PHLDB2: variants seen among roughly 807,000 people sequenced by gnomAD.
The protein encoded by PHLDB2 is pleckstrin homology-like domain family B member 2.
Under a neutral mutation model 123.6 loss-of-function variants are expected in PHLDB2, and 71 were observed. The observed-to-expected ratio is 0.57, with a 90% CI of 0.47 to 0.70. The LOEUF is 0.70. PHLDB2 is among the 30% of genes least tolerant of loss of function. The pLI, the probability that PHLDB2 is intolerant of heterozygous loss-of-function variation, is 0.00. For missense variants in PHLDB2, 1,446 were observed against 1,519.5 expected, an observed-to-expected ratio of 0.95 and a Z score of 0.80; for synonymous variants, 547 against 541.6, an observed-to-expected ratio of 1.01 and a Z score of -0.14.
chr3:111,905,956 G>A (rs980356949), intron 2 of PHLDB2, among the ~76,000 whole-genome samples: 9 of 152,146 alleles, frequency 5.9e-5, no homozygotes, highest in Non-Finnish European at 1.0e-4. Context: ...CGTTATGTGT[G>A]CAGATATTTT....
At chr3:111,854,703 A>G (rs962181271), upstream of PHLDB2, among the ~76,000 whole-genome samples, 1 of 152,242 alleles carries the variant, frequency 6.6e-6, no homozygotes, top group Non-Finnish European at 1.5e-5. Flanking sequence ...GTGAGCAGGT[A>G]TGTACAAACC....
intron 2 of PHLDB2, among the ~76,000 whole-genome samples, chr3:111,853,849 G>T (rs2108616588): frequency 6.7e-6 from 1 of 148,410 alleles, no homozygotes; most frequent in South Asian, 2.2e-4. Context: ...TCCAGCCTGA[G>T]CAACAAGAGC....
rs151281926 is a variant in PHLDB2, at chr3:111,763,692, G to A, written c.-49+30989G>A. Reference sequence around the variant, plus strand: ...TGGTATTAGGTTGTAGTATTAGGAGGTGATTCGATCACGAGGACAAAGCCC... The same window carrying A: ...TGGTATTAGGTTGTAGTATTAGGAGATGATTCGATCACGAGGACAAAGCCC... On this transcript the variant is annotated intron_variant, in intron 1 of 17. Coordinates refer to the PHLDB2 transcript ENST00000393923. 5.9e-3 allele frequency among the ~76,000 whole-genome samples: 895 copies of A among 152,224 alleles called. 3 individuals are homozygous for A. The highest frequency in any genetic ancestry group is 8.9e-3 in the Non-Finnish European group (605 of 68,004).
At chr3:111,738,052 A>G (rs905026664) in intron 1 of PHLDB2, among the ~76,000 whole-genome samples, 10 of 152,168 alleles carry the variant, frequency 6.6e-5, no homozygotes, top group African/African-American at 2.2e-4. Context: ...CAATACCCCT[A>G]CGAATTCCAA....
At chr3:111,756,578 C>A (rs1338571519) in intron 1 of PHLDB2, among the ~76,000 whole-genome samples, 2 of 152,174 alleles carry the variant, frequency 1.3e-5, no homozygotes, top group Non-Finnish European at 2.9e-5. Flanking sequence ...ATACAGCACA[C>A]TGATGGGTCT....
chr3:111,732,639 G>T (rs1179932211), exon 1 of PHLDB2: 1 of 1,535,898 alleles, frequency 6.5e-7, no homozygotes, highest in Non-Finnish European at 8.7e-7. Flanking sequence ...AACAGCCATG[G>T]GCCATCCCTG....
chr3:111,928,362 A>G (rs2068925723), intron 5 of PHLDB2, among the ~76,000 whole-genome samples: 1 of 152,232 alleles, frequency 6.6e-6, no homozygotes, highest in Admixed American at 6.5e-5. Context: ...TGCCTCTCTC[A>G]TAACCCTGGG....
chr3:111,887,538 A>G (rs994157472), intron 2 of PHLDB2, among the ~76,000 whole-genome samples: 15 of 152,222 alleles, frequency 9.9e-5, no homozygotes, highest in Admixed American at 7.9e-4. Flanking sequence ...TTAAAATAAT[A>G]TTTCATTTAG....
rs59603165 is a variant in PHLDB2, at chr3:111,952,835, G to A, written c.2772+123G>A. On this transcript the variant is annotated intron_variant, in intron 11 of 17. Transcript: ENST00000431670. ...ATAAATCATTACATTTACTTGTTAGGCAGACATCAGGACTAAATCTCATTT... is the reference window on the plus strand; with the variant it reads ...ATAAATCATTACATTTACTTGTTAGACAGACATCAGGACTAAATCTCATTT... 1,778 of 1,171,230 alleles carry A rather than the reference G, an allele frequency of 1.5e-3. 27 individuals carry two copies. In the African/African-American group the frequency reaches 0.025, roughly 16 times the overall value. 72.6% of individuals were successfully genotyped at this position (1,171,230 alleles called of 1,614,324 possible).
chr3:111,867,699 A>T (rs990744573), intron 1 of PHLDB2, among the ~76,000 whole-genome samples: 3 of 151,822 alleles, frequency 2.0e-5, no homozygotes, highest in Non-Finnish European at 4.4e-5. Flanking sequence ...GTCTTTTTTT[A>T]ATTTTAATTT....
At chr3:111,755,867 G>A (rs1191012744) in intron 1 of PHLDB2, among the ~76,000 whole-genome samples, 1 of 151,096 alleles carries the variant, frequency 6.6e-6, no homozygotes, top group Non-Finnish European at 1.5e-5. Context: ...GTTCTCATTG[G>A]TTTCAAAGAA....
chr3:111,737,504 C>A (rs1350431782), intron 1 of PHLDB2, among the ~76,000 whole-genome samples: 1 of 152,082 alleles, frequency 6.6e-6, no homozygotes, highest in Non-Finnish European at 1.5e-5. Context: ...GTCAAGTTTC[C>A]CATGAGAGCA....
intron 1 of PHLDB2, among the ~76,000 whole-genome samples, chr3:111,811,213 C>A (rs1239347480): frequency 1.3e-5 from 2 of 152,076 alleles, no homozygotes; most frequent in Non-Finnish European, 2.9e-5. Context: ...CTAATAAAAC[C>A]AAGTACCTAC....
At chr3:111,758,741 T>A (rs1457832252) in intron 1 of PHLDB2, among the ~76,000 whole-genome samples, 5 of 152,212 alleles carry the variant, frequency 3.3e-5, no homozygotes, top group Admixed American at 6.5e-5. Context: ...TATTCGGCCA[T>A]CTTGGCTCGA....
At chr3:111,838,598 G>T (rs561578378) in intron 1 of PHLDB2, among the ~76,000 whole-genome samples, 4 of 152,164 alleles carry the variant, frequency 2.6e-5, no homozygotes, top group Non-Finnish European at 5.9e-5. Context: ...GGAAAAAATA[G>T]TTGTAGGCTT....
intron 1 of PHLDB2, among the ~76,000 whole-genome samples, chr3:111,801,065 A>C (rs2061360194): frequency 6.6e-6 from 1 of 152,234 alleles, no homozygotes; most frequent in African/African-American, 2.4e-5. Context: ...GTGACTTGTT[A>C]AACAACATGA....
chr3:111,919,790 T>TA (rs2107527636), intron 4 of PHLDB2, among the ~76,000 whole-genome samples: 1 of 152,312 alleles, frequency 6.6e-6, no homozygotes, highest in Non-Finnish European at 1.5e-5. Flanking sequence ...TGTCTGTCCT[T>TA]ACAGATGATA....
chr3:111,913,512 G>A lies in PHLDB2; in HGVS notation c.1529G>A (p.Arg510Gln), dbSNP rs572315536. The A allele has an allele frequency of 6.2e-6, 10 of 1,614,042 alleles. No individual in the cohort carries two copies. In the East Asian group the frequency reaches 6.7e-5, roughly 11 times the overall value. The change falls in exon 3 of 18, where the codon CGG (arginine) becomes CAG (glutamine). Residue 510 changes from arginine to glutamine, a missense_variant. By Grantham distance (43) the Arg-to-Gln change is conservative. Coordinates refer to ENST00000431670, the MANE Select transcript of PHLDB2 (RefSeq NM_001134438.2). ...CCTGACACAAGATACAGGTGCCACC[G>A]GAAAGACTCCCTCCCTGATGCAGAC... is the stretch of plus-strand genomic sequence containing the variant. ...MSPDTRYRCH[R>Q]KDSLPDADLA...
chr3:111,905,504 G>A (rs1412016146), intron 2 of PHLDB2, among the ~76,000 whole-genome samples: 4 of 151,918 alleles, frequency 2.6e-5, no homozygotes, highest in Non-Finnish European at 4.4e-5. Flanking sequence ...CTACAGGTGC[G>A]TGCCACCTCA....
Sources: gnomAD v4.1 joint callset for allele counts (sites outside exome capture counted in the v4.1 genomes callset) on GRCh38, gnomAD v4.1.1 for gene constraint, MANE v1.5 for transcripts, NCBI Gene and HGNC (gene_info 2026-07-23, HGNC 2026-07-21) for gene names.